Variants in ARHGAP24 observed in about 807,000 individuals in gnomAD.
ARHGAP24 encodes the protein Rho GTPase activating protein 24.
In ARHGAP24, 50 loss-of-function variants were observed where a neutral mutation model predicts 76.4. That is an observed-to-expected ratio of 0.65 (90% CI 0.52 to 0.83). The LOEUF is 0.83. ARHGAP24 is among the 40% of genes least tolerant of loss of function. The probability of loss-of-function intolerance (pLI) is 0.00; values close to 1 mark genes in which losing one functional copy is unlikely to be tolerated. For synonymous variants in ARHGAP24, 345 were observed against 323.3 expected (o/e 1.07, Z -0.72); for missense variants, 930 against 914.2 (o/e 1.02, Z -0.22).
chr4:85,510,305 T>G (rs1724225503), intron 1 of ARHGAP24, among the ~76,000 whole-genome samples: 1 of 152,178 alleles, frequency 6.6e-6, no homozygotes. Flanking sequence ...CAGCTGGCAC[T>G]AAGACCCTGA....
chr4:85,597,712 A>T (rs570403501), intron 2 of ARHGAP24, among the ~76,000 whole-genome samples: 109 of 152,128 alleles, frequency 7.2e-4, no homozygotes, highest in African/African-American at 2.5e-3. Flanking sequence ...ATATTTAAAT[A>T]GGTGGTACTT....
At chr4:85,486,004 G>T (rs985275821) in intron 1 of ARHGAP24, among the ~76,000 whole-genome samples, 2 of 152,146 alleles carry the variant, frequency 1.3e-5, no homozygotes, top group African/African-American at 2.4e-5. Flanking sequence ...CTCCCAAAGT[G>T]CTGGGATTAC....
chr4:85,735,440 G>T (rs1725571583), intron 3 of ARHGAP24, among the ~76,000 whole-genome samples: 1 of 151,936 alleles, frequency 6.6e-6, no homozygotes. Context: ...GATGACAGCT[G>T]ATTTTTCTTT....
intron 8 of ARHGAP24, among the ~76,000 whole-genome samples, chr4:85,987,977 T>C (rs779598656): frequency 2.0e-5 from 3 of 151,880 alleles, no homozygotes; most frequent in Non-Finnish European, 2.9e-5. Context: ...TTGCAGAAGA[T>C]TTCTTGTTAG....
At chr4:85,835,495 G>T (rs1730220544) in intron 3 of ARHGAP24, among the ~76,000 whole-genome samples, 4 of 147,294 alleles carry the variant, frequency 2.7e-5, no homozygotes, top group Admixed American at 2.0e-4. Context: ...GGCGGAGCTT[G>T]CAGTGGGCCG....
intron 3 of ARHGAP24, among the ~76,000 whole-genome samples, chr4:85,785,538 AG>A (rs1461247107): frequency 8.8e-5 from 2 of 22,636 alleles, no homozygotes; most frequent in African/African-American, 8.1e-5. Context: ...AAAGTAAAAC[AG>A]ATTTTTTTTC....
intron 2 of ARHGAP24, among the ~76,000 whole-genome samples, chr4:85,681,089 A>G (rs1370377825): frequency 1.3e-5 from 2 of 152,180 alleles, no homozygotes; most frequent in South Asian, 2.1e-4. Context: ...TAAAATATGC[A>G]GAAAAACTCC....
chr4:85,953,046 T>G (rs1737709528), intron 5 of ARHGAP24, among the ~76,000 whole-genome samples: 1 of 152,196 alleles, frequency 6.6e-6, no homozygotes, highest in South Asian at 2.1e-4. Flanking sequence ...AGATACATTT[T>G]GGAAGCGTTG....
intron 3 of ARHGAP24, among the ~76,000 whole-genome samples, chr4:85,760,648 A>G (rs938362393): frequency 6.6e-6 from 1 of 152,200 alleles, no homozygotes; most frequent in Non-Finnish European, 1.5e-5. Flanking sequence ...AATCATTGCC[A>G]TATGATGTTG....
At chr4:85,512,646 A>T (rs1016284374) in intron 1 of ARHGAP24, among the ~76,000 whole-genome samples, 6 of 152,236 alleles carry the variant, frequency 3.9e-5, no homozygotes, top group African/African-American at 7.2e-5. Flanking sequence ...TGAGTCATGG[A>T]TAATGAGTGG....
intron 2 of ARHGAP24, among the ~76,000 whole-genome samples, chr4:85,688,792 A>G (rs1311170368): frequency 1.3e-5 from 2 of 152,046 alleles, no homozygotes; most frequent in East Asian, 1.9e-4. Flanking sequence ...TCTTCTACAT[A>G]TGGTTAGTCA....
intron 3 of ARHGAP24, among the ~76,000 whole-genome samples, chr4:85,741,393 CAG>C (rs1725821835): frequency 1.3e-5 from 2 of 152,204 alleles, no homozygotes; most frequent in South Asian, 4.1e-4. Flanking sequence ...AATACATAAA[CAG>C]GGTTTTTGTT....
chr4:85,665,658 T>G (rs994088296), intron 2 of ARHGAP24, among the ~76,000 whole-genome samples: 3 of 152,236 alleles, frequency 2.0e-5, no homozygotes, highest in African/African-American at 4.8e-5. Flanking sequence ...GGTACCGGTT[T>G]TTCCTTTCCA....
At chr4:85,788,615 T>G (rs1727967558) in intron 3 of ARHGAP24, among the ~76,000 whole-genome samples, 1 of 152,160 alleles carries the variant, frequency 6.6e-6, no homozygotes, top group Admixed American at 6.5e-5. Context: ...AGCTTCAGAT[T>G]TTAGTTTATA....
chr4:85,948,230 G>C (rs150694658), intron 5 of ARHGAP24, among the ~76,000 whole-genome samples: 1,908 of 152,222 alleles, frequency 0.013, 33 homozygotes, highest in African/African-American at 0.043. Context: ...AATGACTTAT[G>C]TAGGAGAAAT....
At chr4:85,806,935 T>C (rs1728815828) in intron 3 of ARHGAP24, among the ~76,000 whole-genome samples, 1 of 152,162 alleles carries the variant, frequency 6.6e-6, no homozygotes, top group Non-Finnish European at 1.5e-5. Flanking sequence ...CTTTTTAACT[T>C]AACAAAAGAC....
intron 2 of ARHGAP24, among the ~76,000 whole-genome samples, chr4:85,628,574 C>G (rs948986878): frequency 4.6e-5 from 7 of 152,180 alleles, no homozygotes; most frequent in Non-Finnish European, 7.4e-5. Context: ...TCTGGATAAT[C>G]TGCCCATTAT....
At chr4:85,674,033 T>A (rs1348822695) in intron 2 of ARHGAP24, among the ~76,000 whole-genome samples, 1 of 152,170 alleles carries the variant, frequency 6.6e-6, no homozygotes, top group Non-Finnish European at 1.5e-5. Context: ...TACACTAGCC[T>A]GGGCTCTCGA....
chr4:85,805,767 A>G (rs536874291), intron 3 of ARHGAP24, among the ~76,000 whole-genome samples: 2 of 152,286 alleles, frequency 1.3e-5, no homozygotes, highest in African/African-American at 2.4e-5. Flanking sequence ...CTGCTCCACA[A>G]AGAATGATGT....
Sources: gnomAD v4.1 joint callset for allele counts (sites outside exome capture counted in the v4.1 genomes callset) on GRCh38, gnomAD v4.1.1 for gene constraint, MANE v1.5 for transcripts, NCBI Gene and HGNC (gene_info 2026-07-23, HGNC 2026-07-21) for gene names.